The following HPCAL1 variants were observed in gnomAD, a reference collection of about 807,000 sequenced individuals.
HPCAL1 encodes the protein hippocalcin like 1, also known as hippocalcin-like protein 1.
A neutral mutation model predicts 17.1 loss-of-function variants in HPCAL1; 8 were observed. That is an observed-to-expected ratio of 0.47 (90% confidence interval 0.27 to 0.84). HPCAL1 has a LOEUF of 0.84. Ranked by LOEUF, HPCAL1 falls within the 40% of genes least tolerant of loss-of-function variation. HPCAL1 has a pLI of 0.13. For synonymous variants in HPCAL1, 112 were observed against 111.4 expected (o/e 1.01, Z -0.03); for missense variants, 165 against 271.1 (o/e 0.61, Z 2.75).
At chr2:10,322,870 A>ATGTCGT (rs1663761360) in intron 1 of HPCAL1, among the ~76,000 whole-genome samples, 2 of 152,096 alleles carry the variant, frequency 1.3e-5, no homozygotes, top group Admixed American at 6.5e-5. Context: ...ACCGCTTGTC[A>ATGTCGT]CGTTTTATGT....
In HPCAL1 at chr2:10,365,599, C is replaced by T. The variant is rs1666798551; in HGVS notation, c.-110-31236C>T. ...TCAGCCCTGGCGTTATGATGTCCCG[C>T]CCAACCCCCGACCGCACACCTCCCT... On this transcript the variant is annotated intron_variant, in intron 1 of 4. Transcript: ENST00000307845. This position sits in a 1 kb window ranked among gnomAD's most constrained non-coding sequence, Gnocchi z 4.8. 6.6e-6 allele frequency among the ~76,000 whole-genome samples: 1 copy of T among 152,036 alleles called. No homozygotes were observed. The highest frequency in any genetic ancestry group is 2.4e-5 in the African/African-American group (1 of 41,364).
Position 10,304,534 on chromosome 2 carries a change from C to G in HPCAL1, c.-111+1357C>G, listed in dbSNP as rs6739971. Reference sequence around the variant, plus strand: ...TGCTCCCTTGCAGCCAGCCTCATGCCGGGGGTGCCACATGGGACACCTCCT... The same window carrying G: ...TGCTCCCTTGCAGCCAGCCTCATGCGGGGGGTGCCACATGGGACACCTCCT... On this transcript the variant is annotated intron_variant, in intron 1 of 4. Coordinates refer to ENST00000307845, the MANE Select transcript of HPCAL1 (RefSeq NM_002149.4). This position sits in a 1 kb window ranked among gnomAD's most constrained non-coding sequence, Gnocchi z 4.1. Among the ~76,000 whole-genome samples, 1 of 152,166 alleles carries G rather than the reference C, an allele frequency of 6.6e-6. No homozygotes were observed. Among genetic ancestry groups the G allele is most frequent in the Admixed American group, 6.5e-5 (1 of 15,278 alleles).
Position 10,342,974 on chromosome 2 carries a change from C to T in HPCAL1, c.-111+39797C>T, listed in dbSNP as rs1430975520. 1.3e-5 allele frequency among the ~76,000 whole-genome samples: 2 copies of T among 152,170 alleles called. No individual in the cohort carries two copies. The highest frequency in any genetic ancestry group is 6.5e-5 in the Admixed American group (1 of 15,280). ...GGAGATGGCCAGTGCTGGTTTGAAGCTTCTGTCTTCTGTGTGGGATATCAG... is the reference window on the plus strand; with the variant it reads ...GGAGATGGCCAGTGCTGGTTTGAAGTTTCTGTCTTCTGTGTGGGATATCAG... On this transcript the variant is annotated intron_variant, in intron 1 of 4. Coordinates refer to ENST00000307845, the MANE Select transcript of HPCAL1 (RefSeq NM_002149.4). The surrounding 1 kb of genome is among the most constrained non-coding windows in gnomAD (Gnocchi z 4.1).
At position 10,386,080 on chromosome 2, in the gene HPCAL1, G is replaced by A. The variant is rs1019663385; in HGVS notation, c.-110-10755G>A. On this transcript the variant is annotated intron_variant, in intron 1 of 4. Transcript: ENST00000307845. Reference sequence around the variant, plus strand: ...AGCTGAGCCACATAACGTCACAGTCGCTCTTGAACATCTCGGACTTTCACA... The same window carrying A: ...AGCTGAGCCACATAACGTCACAGTCACTCTTGAACATCTCGGACTTTCACA... Among the ~76,000 whole-genome samples the A allele has an allele frequency of 6.6e-5, 10 of 152,296 alleles. No individual in the cohort carries two copies. In the East Asian group the frequency reaches 9.6e-4, roughly 15 times the overall value.
chr2:10,312,308 CA>C, intron 1 of HPCAL1, among the ~76,000 whole-genome samples: 1 of 13,372 alleles, frequency 7.5e-5, no homozygotes, highest in East Asian at 8.2e-3. Context: ...CCATCACCAT[CA>C]TCATCATCAT....
intron 4 of HPCAL1, 113 bp downstream of exon 4, chr2:10,423,201 C>T (rs1671178946): frequency 6.6e-6 from 5 of 756,972 alleles, no homozygotes; most frequent in East Asian, 2.7e-5. Context: ...GGGCCACCCC[C>T]GCCCGCCACC....
rs1014362461 is a variant in HPCAL1 at position 10,331,537 on chromosome 2, A to C, written c.-111+28360A>C. ...TTTTCCGGGGCAGGAACACCCTCCCAGGAGCTTTTCCACGGCCAAGCGCTG... is the reference window on the plus strand; with the variant it reads ...TTTTCCGGGGCAGGAACACCCTCCCCGGAGCTTTTCCACGGCCAAGCGCTG... On this transcript the variant is annotated intron_variant, in intron 1 of 4. Transcript: ENST00000307845. This position sits in a 1 kb window ranked among gnomAD's most constrained non-coding sequence, Gnocchi z 5.0. Among the ~76,000 whole-genome samples the C allele has an allele frequency of 6.6e-6, 1 of 152,152 alleles. No individual in the cohort carries two copies. Among genetic ancestry groups the C allele is most frequent in the Non-Finnish European group, 1.5e-5 (1 of 68,030 alleles).
rs1558518819 is a variant in HPCAL1, at chr2:10,399,543, A to ACCGCCGCCACCG, written c.-25+2623_-25+2624insCCGCCGCCACCG. Among the ~76,000 whole-genome samples the ACCGCCGCCACCG allele has an allele frequency of 3.5e-3, 345 of 99,416 alleles. 3 individuals carry two copies. The highest frequency in any genetic ancestry group is 5.6e-3 in the Middle Eastern group (1 of 180). The allele number at this position is 99,416 out of a possible 152,430, so 65.2% of individuals were successfully genotyped here. On this transcript the variant is annotated intron_variant, in intron 2 of 4. Transcript: ENST00000307845. ...CACCACCGCCACTGCCACCGCCACC[A>ACCGCCGCCACCG]TCACCGCCACCACTACCGCCACCGC...
In HPCAL1 at chr2:10,351,781, T is replaced by A. The variant is rs898109825; in HGVS notation, c.-110-45054T>A. 5.9e-5 allele frequency among the ~76,000 whole-genome samples: 9 copies of A among 151,560 alleles called. 1 individual carries two copies. In the South Asian group the frequency reaches 6.3e-4, roughly 11 times the overall value. ...CTCAAATATAAAACAAACAAACAAA[T>A]AAAGGGCAAAATTCTCCCTGTCTGA... On this transcript the variant is annotated intron_variant, in intron 1 of 4. Transcript: ENST00000307845.
chr2:10,419,435 G>T lies in HPCAL1; in HGVS notation c.-24-299G>T, dbSNP rs2148029965. Among the ~76,000 whole-genome samples, 1 of 152,290 alleles carries T rather than the reference G, an allele frequency of 6.6e-6. No individual in the cohort carries two copies. Among genetic ancestry groups the T allele is most frequent in the South Asian group, 2.1e-4 (1 of 4,818 alleles). ...ATCTTCGCCTCTCGTACAACCCCTG[G>T]TGGGCACCGGATGATGCCCTGTTCC... On this transcript the variant is annotated intron_variant, in intron 2 of 4. Transcript: ENST00000307845. This position sits in a 1 kb window ranked among gnomAD's most constrained non-coding sequence, Gnocchi z 5.0.
chr2:10,304,443 AG>A lies in HPCAL1; in HGVS notation c.-111+1269del, dbSNP rs5829255. ...ATTCCACCAGAGGAGGATGTTTGCC[AG>A]GGACGCCGAGTCCAGCTGCTGGCCT... On this transcript the variant is annotated intron_variant, in intron 1 of 4. Transcript: ENST00000307845. This position sits in a 1 kb window ranked among gnomAD's most constrained non-coding sequence, Gnocchi z 4.1. 0.99 allele frequency among the ~76,000 whole-genome samples: 150,196 copies of A among 152,194 alleles called. 74,118 individuals carry two copies. Among genetic ancestry groups the A allele is most frequent in the East Asian group, 1 (5,122 of 5,124 alleles).
Position 10,337,108 on chromosome 2 carries a change from G to A in HPCAL1, c.-111+33931G>A, listed in dbSNP as rs868236428. 4.3e-4 allele frequency among the ~76,000 whole-genome samples: 66 copies of A among 152,202 alleles called. 1 individual carries two copies. Among genetic ancestry groups the A allele is most frequent in the African/African-American group, 1.5e-3 (63 of 41,524 alleles). On this transcript the variant is annotated intron_variant, in intron 1 of 4. Transcript: ENST00000307845. Reference sequence around the variant, plus strand: ...AGACGTGGGAATGGCTATGTGGTGCGTGTCAGTTCCCCTCACATTGCATTG... The same window carrying A: ...AGACGTGGGAATGGCTATGTGGTGCATGTCAGTTCCCCTCACATTGCATTG...
Position 10,331,188 on chromosome 2 carries a change from C to T in HPCAL1, c.-111+28011C>T, listed in dbSNP as rs986550069. Among the ~76,000 whole-genome samples the T allele has an allele frequency of 1.3e-5, 2 of 152,146 alleles. No homozygotes were observed. The highest frequency in any genetic ancestry group is 4.8e-5 in the African/African-American group (2 of 41,430). On this transcript the variant is annotated intron_variant, in intron 1 of 4. Transcript: ENST00000307845. The surrounding 1 kb of genome is among the most constrained non-coding windows in gnomAD (Gnocchi z 5.0). Reference sequence around the variant, plus strand: ...CAGAGGGCGGGGCGGGCTCTGGGGACAGCCTGGACTCTCCTGCCTGCCCCC... The same window carrying T: ...CAGAGGGCGGGGCGGGCTCTGGGGATAGCCTGGACTCTCCTGCCTGCCCCC...
At position 10,336,169 on chromosome 2, in the gene HPCAL1, C is replaced by CATGTTCGTATCCTCTGG. The variant is rs1558467061; in HGVS notation, c.-111+32992_-111+32993insATGTTCGTATCCTCTGG. The stretch of plus-strand genomic sequence containing the variant: ...ATTAATTGCATGTTCGTATCCTCTG[C>CATGTTCGTATCCTCTGG]TGTAAATTAATTGCATGTGCGTATC... On this transcript the variant is annotated intron_variant, in intron 1 of 4. Coordinates refer to ENST00000307845, the MANE Select transcript of HPCAL1 (RefSeq NM_002149.4). 4.9e-5 allele frequency among the ~76,000 whole-genome samples: 6 copies of CATGTTCGTATCCTCTGG among 121,938 alleles called. 1 individual carries two copies. Among genetic ancestry groups the CATGTTCGTATCCTCTGG allele is most frequent in the African/African-American group, 2.1e-4 (6 of 28,376 alleles). The allele number at this position is 121,938 out of a possible 152,430, so 80.0% of individuals were successfully genotyped here.
At position 10,419,432 on chromosome 2, in the gene HPCAL1, C is replaced by A. The variant is rs1419125396; in HGVS notation, c.-24-302C>A. 6.6e-6 allele frequency among the ~76,000 whole-genome samples: 1 copy of A among 152,160 alleles called. No individual in the cohort carries two copies. The highest frequency in any genetic ancestry group is 1.5e-5 in the Non-Finnish European group (1 of 68,040). On this transcript the variant is annotated intron_variant, in intron 2 of 4. Coordinates refer to ENST00000307845, the MANE Select transcript of HPCAL1 (RefSeq NM_002149.4). The surrounding 1 kb of genome is among the most constrained non-coding windows in gnomAD (Gnocchi z 5.0). Reference sequence around the variant, plus strand: ...TTAATCTTCGCCTCTCGTACAACCCCTGGTGGGCACCGGATGATGCCCTGT... The same window carrying A: ...TTAATCTTCGCCTCTCGTACAACCCATGGTGGGCACCGGATGATGCCCTGT...
intron 1 of HPCAL1, among the ~76,000 whole-genome samples, chr2:10,386,791 C>T (rs910623500): frequency 6.6e-6 from 1 of 152,224 alleles, no homozygotes; most frequent in African/African-American, 2.4e-5. Flanking sequence ...GCCTGGACCC[C>T]TTCCACCTCT....
chr2:10,348,102 C>T (rs1046286936), intron 1 of HPCAL1, among the ~76,000 whole-genome samples: 16 of 152,280 alleles, frequency 1.1e-4, no homozygotes, highest in African/African-American at 3.8e-4. Context: ...AGACGGACCT[C>T]TTAATCACTT....
chr2:10,420,023 T>C lies in HPCAL1; in HGVS notation c.266T>C (p.Leu89Pro), dbSNP rs1670941131. 6.2e-7 allele frequency: 1 copy of C among 1,613,858 alleles called. No individual in the cohort carries two copies. The highest frequency in any genetic ancestry group is 1.3e-5 in the African/African-American group (1 of 74,936). Residue 89 changes from leucine to proline, a missense_variant, in exon 3 of 5, where the codon CTG becomes CCG. Leu to Pro is a moderately conservative substitution (Grantham distance 98). Coordinates refer to ENST00000307845, the MANE Select transcript of HPCAL1 (RefSeq NM_002149.4). ...TIDFREFIIA[L>P]SVTSRGKLEQ... is the part of the protein sequence containing the mutation. ...GACTTCCGGGAGTTCATCATTGCGC[T>C]GAGCGTGACCTCGCGGGGCAAGCTG...
At chr2:10,421,985 C>A (rs1166720673) in intron 3 of HPCAL1, among the ~76,000 whole-genome samples, 1 of 152,196 alleles carries the variant, frequency 6.6e-6, no homozygotes, top group Non-Finnish European at 1.5e-5. Context: ...CCAGGAATCA[C>A]CCGTCCTGTC....
Sources: allele counts gnomAD v4.1 joint callset (sites outside exome capture counted in the v4.1 genomes callset), GRCh38; gene constraint gnomAD v4.1.1; non-coding constraint Gnocchi (gnomAD v3.1); transcripts MANE v1.5; gene names NCBI Gene and HGNC (gene_info 2026-07-23, HGNC 2026-07-21).